Variants in PIEZO2 observed in about 807,000 individuals in gnomAD.
PIEZO2 encodes the protein piezo type mechanosensitive ion channel component 2.
In PIEZO2, 172 loss-of-function variants were observed where a neutral mutation model predicts 337.3. The observed-to-expected ratio is 0.51, with a 90% CI of 0.45 to 0.58. The LOEUF is 0.58. PIEZO2 is among the 20% of genes least tolerant of loss of function. The pLI is 0.00. For synonymous variants in PIEZO2, 1,251 were observed against 1,228.5 expected (o/e 1.02, Z -0.38); for missense variants, 3,028 against 3,391.3 (o/e 0.89, Z 2.66).
At chr18:10,770,929 T>A (rs1016161718) in intron 20 of PIEZO2, among the ~76,000 whole-genome samples, 4 of 152,004 alleles carry the variant, frequency 2.6e-5, no homozygotes, top group Admixed American at 2.0e-4. Flanking sequence ...TAGGATCTCG[T>A]CATGTTGGCC....
chr18:10,944,115 T>C (rs943290576), intron 3 of PIEZO2, among the ~76,000 whole-genome samples: 3 of 152,198 alleles, frequency 2.0e-5, no homozygotes, highest in Admixed American at 6.5e-5. Context: ...CAATGACAAA[T>C]GAGGATTTTT....
At chr18:10,771,714 TG>T (rs2038609690) in intron 20 of PIEZO2, among the ~76,000 whole-genome samples, 4 of 152,244 alleles carry the variant, frequency 2.6e-5, no homozygotes, top group Admixed American at 2.6e-4. Context: ...AAATATTAAA[TG>T]GAAAATTCCA....
At chr18:11,039,739 T>G (rs1238978879) in intron 2 of PIEZO2, among the ~76,000 whole-genome samples, 1 of 120,008 alleles carries the variant, frequency 8.3e-6, no homozygotes, top group Non-Finnish European at 1.8e-5. Context: ...TTGAATCTAT[T>G]TTAAATAGGC....
In PIEZO2 at chr18:10,770,802, G is replaced by A. The variant is rs1157709364; in HGVS notation, c.2786-494C>T. 2.7e-5 allele frequency among the ~76,000 whole-genome samples: 4 copies of A among 146,708 alleles called. No homozygotes were observed. The East Asian group carries it at 8.3e-4, about 30-fold the overall frequency. ...CTGTAGCCCAGGCTAGAGTGCAGTG[G>A]CACAATCTCGGCTCACTGCAACCTC... On this transcript the variant is annotated intron_variant, in intron 20 of 55. Transcript: ENST00000674853.
chr18:10,759,670 T>C lies in PIEZO2; in HGVS notation c.3655+35A>G. On this transcript the variant is annotated intron_variant, in intron 25 of 55. Coordinates refer to ENST00000674853, the MANE Select transcript of PIEZO2 (RefSeq NM_001378183.1). This position sits in a 1 kb window ranked among gnomAD's most constrained non-coding sequence, Gnocchi z 5.5. ...CCGTCCGCTCAGTAATGGCTTCTTC[T>C]AAAAGTAGACGGCTCAAGGGAAGGG... is the stretch of plus-strand genomic sequence containing the variant. 3 of 1,536,706 alleles carry C rather than the reference T, an allele frequency of 2.0e-6. No individual in the cohort carries two copies. Among genetic ancestry groups the C allele is most frequent in the Non-Finnish European group, 2.6e-6 (3 of 1,146,458 alleles).
At chr18:10,731,062 G>A (rs906438959) in intron 36 of PIEZO2, among the ~76,000 whole-genome samples, 9 of 151,660 alleles carry the variant, frequency 5.9e-5, no homozygotes, top group African/African-American at 2.2e-4. Context: ...ACTTGATCAG[G>A]TCATGTCCTG....
Position 10,726,227 on chromosome 18 carries a change from C to G in PIEZO2, c.5029+5180G>C. ...CACCGGAGGAGGGGCTTCACGCTGC[C>G]TGGGGCTGGAAGAGCTTGTGTGCGA... On this transcript the variant is annotated intron_variant, in intron 36 of 55. Coordinates refer to ENST00000674853, the MANE Select transcript of PIEZO2 (RefSeq NM_001378183.1). The surrounding 1 kb of genome is among the most constrained non-coding windows in gnomAD (Gnocchi z 5.9). 2.8e-6 allele frequency: 2 copies of G among 720,272 alleles called. No homozygotes were observed. The highest frequency in any genetic ancestry group is 1.5e-5 in the South Asian group (1 of 66,010). 44.6% of individuals were successfully genotyped at this position (720,272 alleles called of 1,614,324 possible).
chr18:10,737,510 C>T (rs1198841908), intron 33 of PIEZO2, among the ~76,000 whole-genome samples: 2 of 152,132 alleles, frequency 1.3e-5, no homozygotes, highest in Non-Finnish European at 2.9e-5. Context: ...ACAAGGAACT[C>T]CCCAGCAGCT....
chr18:10,945,707 A>G lies in PIEZO2; in HGVS notation c.286+33828T>C, dbSNP rs2032983609. On this transcript the variant is annotated intron_variant, in intron 3 of 55. Coordinates refer to ENST00000674853, the MANE Select transcript of PIEZO2 (RefSeq NM_001378183.1). This position sits in a 1 kb window ranked among gnomAD's most constrained non-coding sequence, Gnocchi z 4.0. ...GACCCATAATCAGCAGAAAAAATCAATCAAAATCTTCCCAGAACTGCCAAA... is the reference window on the plus strand; with the variant it reads ...GACCCATAATCAGCAGAAAAAATCAGTCAAAATCTTCCCAGAACTGCCAAA... Among the ~76,000 whole-genome samples, 1 of 152,250 alleles carries G rather than the reference A, an allele frequency of 6.6e-6. No homozygotes were observed. The highest frequency in any genetic ancestry group is 2.4e-5 in the African/African-American group (1 of 41,474).
At chr18:10,882,842 C>CT (rs35740624) in intron 4 of PIEZO2, among the ~76,000 whole-genome samples, 31,975 of 127,940 alleles carry the variant, frequency 0.25, 4,533 homozygotes, top group Non-Finnish European at 0.29. Flanking sequence ...TTCTTTTTTT[C>CT]TTTTTTTTTT....
At chr18:11,075,918 T>A (rs1239512271) in intron 1 of PIEZO2, among the ~76,000 whole-genome samples, 2 of 148,866 alleles carry the variant, frequency 1.3e-5, no homozygotes, top group African/African-American at 5.2e-5. Flanking sequence ...CCTCCCGAGT[T>A]AGCTGGGACT....
At chr18:11,119,608 AAGGT>A (rs1220567188) in intron 1 of PIEZO2, among the ~76,000 whole-genome samples, 1 of 152,182 alleles carries the variant, frequency 6.6e-6, no homozygotes, top group Non-Finnish European at 1.5e-5. Context: ...AAATATTACG[AAGGT>A]AGCAGGGGTT....
intron 3 of PIEZO2, among the ~76,000 whole-genome samples, chr18:10,930,911 A>G (rs1036305410): frequency 3.3e-5 from 5 of 152,210 alleles, no homozygotes; most frequent in African/African-American, 1.2e-4. Flanking sequence ...TAAAAGCACC[A>G]TGGTATGACA....
chr18:10,718,355 A>G, intron 36 of PIEZO2, 96 bp from the exon 37 acceptor site: 1 of 995,464 alleles, frequency 1.0e-6, no homozygotes, highest in Non-Finnish European at 1.5e-6. Context: ...TTTGTAATTA[A>G]CTCTAGGACA....
chr18:10,714,081 C>G (rs755744249), intron 39 of PIEZO2, among the ~76,000 whole-genome samples: 1 of 152,120 alleles, frequency 6.6e-6, no homozygotes, highest in Admixed American at 6.5e-5. Context: ...TATATACATC[C>G]TAGCTGTGTG....
chr18:10,932,968 A>G (rs1568212906), intron 3 of PIEZO2, among the ~76,000 whole-genome samples: 1 of 151,766 alleles, frequency 6.6e-6, no homozygotes, highest in Non-Finnish European at 1.5e-5. Flanking sequence ...AGGAGAGAAC[A>G]CTCTAAGTTG....
In PIEZO2 at chr18:10,830,655, C is replaced by T. The variant is rs150230014; in HGVS notation, c.918-23381G>A. On this transcript the variant is annotated intron_variant, in intron 7 of 55. Transcript: ENST00000674853. This position sits in a 1 kb window ranked among gnomAD's most constrained non-coding sequence, Gnocchi z 4.7. ...TTGGGTAATACCTGAAAAGCACAGACGACCAAAGCAAAAATGAGCAAATGG... is the reference window on the plus strand; with the variant it reads ...TTGGGTAATACCTGAAAAGCACAGATGACCAAAGCAAAAATGAGCAAATGG... Among the ~76,000 whole-genome samples the T allele has an allele frequency of 7.6e-4, 115 of 152,242 alleles. No homozygotes were observed. The highest frequency in any genetic ancestry group is 1.4e-3 in the Non-Finnish European group (95 of 68,030).
Position 10,797,370 on chromosome 18 carries a change from A to AT in PIEZO2, c.1527+3dup. The AT allele has an allele frequency of 6.6e-7, 1 of 1,526,178 alleles. No homozygotes were observed. The highest frequency in any genetic ancestry group is 8.8e-7 in the Non-Finnish European group (1 of 1,136,950). 94.5% of individuals were successfully genotyped at this position (1,526,178 alleles called of 1,614,324 possible). A position where few individuals can be genotyped will look rare whatever the true frequency, so the allele number is the denominator to read the frequency against. On this transcript the variant is annotated splice_donor_region_variant and intron_variant, in intron 12 of 55. Coordinates refer to ENST00000674853, the MANE Select transcript of PIEZO2 (RefSeq NM_001378183.1). ...TATTATACCTATCATCATATCATAC[A>AT]TACCATCATAGCTATGAGGGCACAG...
chr18:10,747,480 A>G (rs928518331), intron 30 of PIEZO2, among the ~76,000 whole-genome samples: 2 of 152,232 alleles, frequency 1.3e-5, no homozygotes, highest in African/African-American at 2.4e-5. Context: ...GGAATGAAAC[A>G]TTGTATTCTG....
Sources: allele counts gnomAD v4.1 joint callset (sites outside exome capture counted in the v4.1 genomes callset), GRCh38; gene constraint gnomAD v4.1.1; non-coding constraint Gnocchi (gnomAD v3.1); transcripts MANE v1.5; gene names NCBI Gene and HGNC (gene_info 2026-07-23, HGNC 2026-07-21).